Variants in MAP3K4 observed in about 807,000 individuals in gnomAD.
The protein encoded by MAP3K4 is mitogen-activated protein kinase kinase kinase 4.
MAP3K4 carries 67 observed loss-of-function variants against 185.6 expected under a neutral mutation model. The ratio of observed to expected loss-of-function variants is 0.36; its 90% CI spans 0.30 to 0.44. The LOEUF (loss-of-function observed/expected upper bound fraction) is 0.44. Among genes scored for constraint, MAP3K4 ranks in the 20% least tolerant of loss-of-function variants. MAP3K4 has a pLI of 1.00. For synonymous variants in MAP3K4, 702 were observed against 710.4 expected (o/e 0.99, Z 0.19); for missense variants, 1,551 against 1,995.1 (o/e 0.78, Z 4.24).
rs1006407838 is a variant in MAP3K4, at chr6:161,077,037, A to G, written c.2097+3425A>G. On this transcript the variant is annotated intron_variant, in intron 5 of 26. Transcript: ENST00000392142. This position sits in a 1 kb window ranked among gnomAD's most constrained non-coding sequence, Gnocchi z 4.3. ...GCTTCTCTGAGGGGGGAGCATTGCAACTTATCGGAAATTTATATACATTAT... is the reference window on the plus strand; with the variant it reads ...GCTTCTCTGAGGGGGGAGCATTGCAGCTTATCGGAAATTTATATACATTAT... Among the ~76,000 whole-genome samples the G allele has an allele frequency of 9.2e-5, 14 of 152,202 alleles. No homozygotes were observed. The highest frequency in any genetic ancestry group is 8.5e-4 in the Admixed American group (13 of 15,276).
intron 2 of MAP3K4, among the ~76,000 whole-genome samples, chr6:161,042,908 GCACACACACACA>G (rs58595402): frequency 8.4e-4 from 126 of 149,486 alleles, no homozygotes; most frequent in African/African-American, 2.9e-3. Context: ...ATGAGAATTT[GCACACACACACA>G]CACACACACA....
In MAP3K4 at chr6:161,116,889, CT is replaced by C; in HGVS notation, c.*21del. On this transcript the variant is annotated 3_prime_UTR_variant, in exon 27 of 27. Coordinates refer to ENST00000392142, the MANE Select transcript of MAP3K4 (RefSeq NM_005922.4). The surrounding 1 kb of genome is among the most constrained non-coding windows in gnomAD (Gnocchi z 6.2). ...AGAATGAAGCCTAGTAGAATATGGA[CT>C]TGGAAAATTCTCTTAATCACTACTG... The C allele has an allele frequency of 6.2e-7, 1 of 1,610,918 alleles. No individual in the cohort carries two copies. Among genetic ancestry groups the C allele is most frequent in the Non-Finnish European group, 8.5e-7 (1 of 1,177,042 alleles).
chr6:161,005,943 G>C (rs148178757), intron 1 of MAP3K4, among the ~76,000 whole-genome samples: 2 of 152,114 alleles, frequency 1.3e-5, no homozygotes, highest in South Asian at 4.2e-4. Context: ...GCCCGCCACC[G>C]TGCCTGGCTA....
intron 1 of MAP3K4, among the ~76,000 whole-genome samples, chr6:161,016,559 A>G (rs1782122684): frequency 6.6e-6 from 1 of 152,166 alleles, no homozygotes; most frequent in Admixed American, 6.5e-5. Flanking sequence ...TCCTTTTCTT[A>G]TAGCTGGTTG....
chr6:161,065,923 G>C (rs1374811211), intron 3 of MAP3K4, among the ~76,000 whole-genome samples: 2 of 72,968 alleles, frequency 2.7e-5, no homozygotes, highest in Non-Finnish European at 5.2e-5. Flanking sequence ...GGGCAAAAGA[G>C]CAAGACTCCG....
Position 160,991,815 on chromosome 6 carries a change from C to T in MAP3K4, c.-117C>T, listed in dbSNP as rs994011202. The T allele has an allele frequency of 7.5e-6, 9 of 1,192,594 alleles. 1 individual carries two copies. The Admixed American group carries it at 1.3e-4, about 17-fold the overall frequency. The allele number at this position is 1,192,594 out of a possible 1,614,324, so 73.9% of individuals were successfully genotyped here. The stretch of plus-strand genomic sequence containing the variant: ...AAGATGGCCGCGGCGCGCACGGCTC[C>T]TGCGGCGGGGTAGAGGCGGAGGCGG... On this transcript the variant is annotated 5_prime_UTR_variant, in exon 1 of 27. Transcript: ENST00000392142. This position sits in a 1 kb window ranked among gnomAD's most constrained non-coding sequence, Gnocchi z 5.7.
chr6:161,085,519 A>G (rs919885360), intron 7 of MAP3K4, among the ~76,000 whole-genome samples: 6 of 152,230 alleles, frequency 3.9e-5, no homozygotes, highest in African/African-American at 1.4e-4. Context: ...GAAAGCTCAT[A>G]TAGAACTGAC....
chr6:160,998,944 A>G (rs1287492383), intron 1 of MAP3K4, among the ~76,000 whole-genome samples: 1 of 152,234 alleles, frequency 6.6e-6, no homozygotes, highest in East Asian at 1.9e-4. Flanking sequence ...TTGAATTACA[A>G]GAACGTTCAT....
Position 161,109,155 on chromosome 6 carries a change from CG to C in MAP3K4, c.4236+297del. 4.7e-6 allele frequency: 3 copies of C among 638,008 alleles called. No individual in the cohort carries two copies. Among genetic ancestry groups the C allele is most frequent in the Non-Finnish European group, 7.9e-6 (3 of 380,114 alleles). 39.5% of individuals were successfully genotyped at this position (638,008 alleles called of 1,614,324 possible). On this transcript the variant is annotated intron_variant, in intron 22 of 26. Transcript: ENST00000392142. The surrounding 1 kb of genome is among the most constrained non-coding windows in gnomAD (Gnocchi z 5.7). ...ACACCACTTCTTGTGACTTTTTTTC[CG>C]TTTTTTTGCTGAACCACTGTTGAGT...
intron 2 of MAP3K4, among the ~76,000 whole-genome samples, chr6:161,044,173 A>G (rs1783615282): frequency 6.6e-6 from 1 of 152,214 alleles, no homozygotes; most frequent in Non-Finnish European, 1.5e-5. Context: ...TTGTGCTACA[A>G]AAATCACACC....
intron 19 of MAP3K4, among the ~76,000 whole-genome samples, chr6:161,105,498 G>A (rs967869189): frequency 6.6e-6 from 1 of 152,142 alleles, no homozygotes. Context: ...TTTATCCCAG[G>A]CATTTTGATT....
rs947448532 is a variant in MAP3K4 at position 160,996,795 on chromosome 6, ATT to A, written c.152+4713_152+4714del. Among the ~76,000 whole-genome samples the A allele has an allele frequency of 6.6e-6, 1 of 152,204 alleles. No homozygotes were observed. Among genetic ancestry groups the A allele is most frequent in the Admixed American group, 6.5e-5 (1 of 15,276 alleles). The stretch of plus-strand genomic sequence containing the variant: ...GTCTGTACACCTGGTTAGTCAGTGT[ATT>A]CTCTTGCTTGTAGAAAGCCAAAGTA... On this transcript the variant is annotated intron_variant, in intron 1 of 26. Transcript: ENST00000392142. This position sits in a 1 kb window ranked among gnomAD's most constrained non-coding sequence, Gnocchi z 4.5.
chr6:161,033,584 AT>A (rs1783026792), intron 1 of MAP3K4, among the ~76,000 whole-genome samples: 1 of 152,022 alleles, frequency 6.6e-6, no homozygotes, highest in African/African-American at 2.4e-5. Flanking sequence ...TTTCTTCCCA[AT>A]TTTTTATTGT....
At chr6:161,025,022 T>C (rs184982588) in intron 1 of MAP3K4, among the ~76,000 whole-genome samples, 1 of 145,822 alleles carries the variant, frequency 6.9e-6, no homozygotes, top group African/African-American at 2.5e-5. Flanking sequence ...CATCCACCCA[T>C]CCATCCATCC....
At position 161,007,780 on chromosome 6, in the gene MAP3K4, A is replaced by G. The variant is rs1034809183; in HGVS notation, c.152+15697A>G. Among the ~76,000 whole-genome samples, 1 of 152,216 alleles carries G rather than the reference A, an allele frequency of 6.6e-6. No individual in the cohort carries two copies. Among genetic ancestry groups the G allele is most frequent in the Non-Finnish European group, 1.5e-5 (1 of 68,040 alleles). On this transcript the variant is annotated intron_variant, in intron 1 of 26. Transcript: ENST00000392142. This position sits in a 1 kb window ranked among gnomAD's most constrained non-coding sequence, Gnocchi z 4.5. ...ATAGATATTGAGCTTTTAGAGAGTA[A>G]TGTTTCATCAAACATAAAAGGCTGT...
At chr6:161,030,043 G>A (rs1268105396) in intron 1 of MAP3K4, among the ~76,000 whole-genome samples, 1 of 152,068 alleles carries the variant, frequency 6.6e-6, no homozygotes, top group African/African-American at 2.4e-5. Context: ...TTTCTTTATA[G>A]TTCTTTAGCT....
At position 161,108,605 on chromosome 6, in the gene MAP3K4, A is replaced by G; in HGVS notation, c.4120-138A>G. ...TAGCTTGGCTAAAAACTTCCTTTTT[A>G]CTTAATTTTTTGTTGTTTTTAATTG... On this transcript the variant is annotated intron_variant, in intron 21 of 26. Transcript: ENST00000392142. The surrounding 1 kb of genome is among the most constrained non-coding windows in gnomAD (Gnocchi z 5.7). 2 of 643,352 alleles carry G rather than the reference A, an allele frequency of 3.1e-6. No individual in the cohort carries two copies. Among genetic ancestry groups the G allele is most frequent in the South Asian group, 2.0e-5 (1 of 51,100 alleles). The allele number at this position is 643,352 out of a possible 1,614,324, so 39.9% of individuals were successfully genotyped here.
Position 161,076,856 on chromosome 6 carries a change from G to A in MAP3K4, c.2097+3244G>A, listed in dbSNP as rs2114830033. Among the ~76,000 whole-genome samples, 1 of 152,274 alleles carries A rather than the reference G, an allele frequency of 6.6e-6. No homozygotes were observed. Among genetic ancestry groups the A allele is most frequent in the South Asian group, 2.1e-4 (1 of 4,816 alleles). Reference sequence around the variant, plus strand: ...ACCATGCGGGGACCAAGGAACTAGTGCCGAGCGTAAACTCCCTCTTAGAGT... The same window carrying A: ...ACCATGCGGGGACCAAGGAACTAGTACCGAGCGTAAACTCCCTCTTAGAGT... On this transcript the variant is annotated intron_variant, in intron 5 of 26. Coordinates refer to ENST00000392142, the MANE Select transcript of MAP3K4 (RefSeq NM_005922.4). The surrounding 1 kb of genome is among the most constrained non-coding windows in gnomAD (Gnocchi z 4.2).
Position 161,096,706 on chromosome 6 carries a change from G to A in MAP3K4, c.3428-374G>A, listed in dbSNP as rs2114880854. ...GGCAGGACCTCTTGAAATGTCGCCA[G>A]TGACCACAATCTTTTTAACGTGTAG... On this transcript the variant is annotated intron_variant, in intron 15 of 26. Coordinates refer to ENST00000392142, the MANE Select transcript of MAP3K4 (RefSeq NM_005922.4). The surrounding 1 kb of genome is among the most constrained non-coding windows in gnomAD (Gnocchi z 4.9). The A allele has an allele frequency of 6.0e-6, 1 of 167,430 alleles. No individual in the cohort carries two copies. Among genetic ancestry groups the A allele is most frequent in the East Asian group, 1.7e-4 (1 of 6,012 alleles). 10.4% of individuals were successfully genotyped at this position (167,430 alleles called of 1,614,324 possible). A position where few individuals can be genotyped will look rare whatever the true frequency, so the allele number is the denominator to read the frequency against.
Sources: gnomAD v4.1 joint callset for allele counts (sites outside exome capture counted in the v4.1 genomes callset) on GRCh38, gnomAD v4.1.1 for gene constraint, Gnocchi (gnomAD v3.1) non-coding constraint, MANE v1.5 for transcripts, NCBI Gene and HGNC (gene_info 2026-07-23, HGNC 2026-07-21) for gene names.